The following PAX2 variants were observed in gnomAD, a reference collection of about 807,000 sequenced individuals.
PAX2 encodes paired box protein Pax-2.
In PAX2, 9 loss-of-function variants were observed where a neutral mutation model predicts 41.7. The observed-to-expected ratio is 0.22, with a 90% CI of 0.13 to 0.38. The LOEUF (loss-of-function observed/expected upper bound fraction) is 0.38. Ranked by LOEUF, PAX2 falls within the 10% of genes least tolerant of loss-of-function variation. The pLI is 1.00. For synonymous variants in PAX2, 221 were observed against 212.7 expected (o/e 1.04, Z -0.34); for missense variants, 418 against 531.6 (o/e 0.79, Z 2.10).
intron 3 of PAX2, among the ~76,000 whole-genome samples, chr10:100,758,031 CTTTCTTTTG>C (rs1446051831): frequency 2.0e-5 from 3 of 152,094 alleles, no homozygotes; most frequent in Non-Finnish European, 4.4e-5. Context: ...AAATGAGGCC[CTTTCTTTTG>C]TTTTCTGAGA....
chr10:100,827,722 G>A lies in PAX2; in HGVS notation c.*103G>A. The stretch of plus-strand genomic sequence containing the variant: ...GGAGGGAGGACCGACGCGACGCGAT[G>A]CCTCCCGGCCACCGCCCCAGCCTCA... On this transcript the variant is annotated 3_prime_UTR_variant, in exon 10 of 10. Coordinates refer to ENST00000355243, the MANE Select transcript of PAX2 (RefSeq NM_000278.5). The surrounding 1 kb of genome is among the most constrained non-coding windows in gnomAD (Gnocchi z 8.5). 1 of 1,600,328 alleles carries A rather than the reference G, an allele frequency of 6.2e-7. No individual in the cohort carries two copies. The highest frequency in any genetic ancestry group is 8.5e-7 in the Non-Finnish European group (1 of 1,170,312).
At chr10:100,821,086 C>A (rs1288534462) in intron 7 of PAX2, among the ~76,000 whole-genome samples, 1 of 152,204 alleles carries the variant, frequency 6.6e-6, no homozygotes. Flanking sequence ...ATTCCATTAC[C>A]CATTCATATT....
Position 100,824,859 on chromosome 10 carries a change from C to A in PAX2, c.1021+110C>A, listed in dbSNP as rs770053965. 1.9e-6 allele frequency: 3 copies of A among 1,558,926 alleles called. No homozygotes were observed. The South Asian group carries it at 3.3e-5, about 17-fold the overall frequency. ...TGGGGTGGGGGGAGACACAACGTCC[C>A]CTCCCTGCAAACCACTGCTATTCTG... On this transcript the variant is annotated intron_variant, in intron 8 of 9. Coordinates refer to ENST00000355243, the MANE Select transcript of PAX2 (RefSeq NM_000278.5). This position sits in a 1 kb window ranked among gnomAD's most constrained non-coding sequence, Gnocchi z 6.6.
At chr10:100,803,144 G>T (rs1341567425) in intron 5 of PAX2, among the ~76,000 whole-genome samples, 1 of 151,810 alleles carries the variant, frequency 6.6e-6, no homozygotes, top group African/African-American at 2.4e-5. Flanking sequence ...CCCTCATCCA[G>T]GCCCTGGGCA....
Position 100,819,519 on chromosome 10 carries a change from G to A in PAX2, c.920-5129G>A, listed in dbSNP as rs553595003. ...CAGGAAGCAGAGGTTGCAGTGAGCC[G>A]AGATCGTGCCACTGCTCTCCAGCCT... On this transcript the variant is annotated intron_variant, in intron 7 of 9. Coordinates refer to ENST00000355243, the MANE Select transcript of PAX2 (RefSeq NM_000278.5). Among the ~76,000 whole-genome samples the A allele has an allele frequency of 6.6e-5, 10 of 152,256 alleles. No individual in the cohort carries two copies. In the South Asian group the frequency reaches 1.9e-3, roughly 28 times the overall value.
At position 100,787,035 on chromosome 10, in the gene PAX2, G is replaced by C. The variant is rs376723534; in HGVS notation, c.616+5670G>C. On this transcript the variant is annotated intron_variant, in intron 5 of 9. Coordinates refer to ENST00000355243, the MANE Select transcript of PAX2 (RefSeq NM_000278.5). ...AGGTATGAGGGCCAGAGGGAACATG[G>C]CGTGGGGGTCAAGGGAAATAGCTTG... The C allele has an allele frequency of 6.0e-6, 8 of 1,326,764 alleles. No homozygotes were observed. The African/African-American group carries it at 1.2e-4, about 20-fold the overall frequency. 82.2% of individuals were successfully genotyped at this position (1,326,764 alleles called of 1,614,324 possible).
At chr10:100,751,126 C>G (rs1310883951) in intron 3 of PAX2, among the ~76,000 whole-genome samples, 1 of 152,204 alleles carries the variant, frequency 6.6e-6, no homozygotes, top group Non-Finnish European at 1.5e-5. Context: ...CCGCCGGCGT[C>G]CTGGAAATGA....
chr10:100,750,425 T>G lies in PAX2; in HGVS notation c.213-269T>G, dbSNP rs1416886408. On this transcript the variant is annotated intron_variant, in intron 2 of 9. Transcript: ENST00000355243. The surrounding 1 kb of genome is among the most constrained non-coding windows in gnomAD (Gnocchi z 4.1). ...TCTTCCCAAGTGAAAGGCTGGGCTTTCACTCCCACGGGTGCCTATTTGGGC... is the reference window on the plus strand; with the variant it reads ...TCTTCCCAAGTGAAAGGCTGGGCTTGCACTCCCACGGGTGCCTATTTGGGC... Among the ~76,000 whole-genome samples the G allele has an allele frequency of 6.6e-6, 1 of 152,152 alleles. No homozygotes were observed. Among genetic ancestry groups the G allele is most frequent in the East Asian group, 1.9e-4 (1 of 5,182 alleles).
At chr10:100,783,883 G>T (rs914218044) in intron 5 of PAX2, among the ~76,000 whole-genome samples, 2 of 152,080 alleles carry the variant, frequency 1.3e-5, no homozygotes, top group African/African-American at 4.8e-5. Context: ...CATATCAGAG[G>T]CCTCACTCTT....
upstream of PAX2, among the ~76,000 whole-genome samples, chr10:100,741,413 A>C (rs1294215363): frequency 2.2e-3 from 17 of 7,856 alleles, no homozygotes; most frequent in East Asian, 0.062. Flanking sequence ...CTCTTCCAAA[A>C]AAAAAAAAAA....
chr10:100,784,009 C>T (rs1042683250), intron 5 of PAX2, among the ~76,000 whole-genome samples: 1 of 152,068 alleles, frequency 6.6e-6, no homozygotes, highest in Non-Finnish European at 1.5e-5. Flanking sequence ...TTCTCCCTGA[C>T]CTCCCCCTCC....
intron 1 of PAX2, among the ~76,000 whole-genome samples, chr10:100,737,985 C>G (rs1844831964): frequency 6.6e-6 from 1 of 152,262 alleles, no homozygotes; most frequent in South Asian, 2.1e-4. Flanking sequence ...CAATTGTGGT[C>G]TTCAGCTATC....
At chr10:100,817,082 C>T (rs748974299) in intron 7 of PAX2, among the ~76,000 whole-genome samples, 12 of 152,194 alleles carry the variant, frequency 7.9e-5, no homozygotes, top group Non-Finnish European at 1.8e-4. Flanking sequence ...GCATGAGGGT[C>T]TCTCATGCTC....
chr10:100,799,977 G>A (rs1354448325), intron 5 of PAX2, among the ~76,000 whole-genome samples: 1 of 151,676 alleles, frequency 6.6e-6, no homozygotes, highest in Admixed American at 6.6e-5. Flanking sequence ...AGTAGAGATG[G>A]GGTTTTACCA....
At position 100,829,252 on chromosome 10, in the gene PAX2, T is replaced by C; in HGVS notation, c.*1633T>C. 4.3e-6 allele frequency: 1 copy of C among 230,414 alleles called. No homozygotes were observed. The highest frequency in any genetic ancestry group is 8.6e-6 in the Non-Finnish European group (1 of 116,238). The allele number at this position is 230,414 out of a possible 1,614,324, so 14.3% of individuals were successfully genotyped here. ...CCCTCTGCCCCTCTCTCCTCTCCGC[T>C]TCTCTCCCCCTCTGTCTCTGTCTCT... On this transcript the variant is annotated 3_prime_UTR_variant, in exon 10 of 10. Transcript: ENST00000355243.
chr10:100,745,612 A>G lies in PAX2; in HGVS notation c.-649A>G. 2 of 291,336 alleles carry G rather than the reference A, an allele frequency of 6.9e-6. No individual in the cohort carries two copies. Among genetic ancestry groups the G allele is most frequent in the Non-Finnish European group, 5.3e-6 (1 of 189,250 alleles). 18.0% of individuals were successfully genotyped at this position (291,336 alleles called of 1,614,324 possible). ...CCGGCCGAGTCTTCTCGCAGCCGCA[A>G]CCCACCTGGGGCCAGCCCAGAGCTG... On this transcript the variant is annotated 5_prime_UTR_variant, in exon 1 of 10. Coordinates refer to ENST00000355243, the MANE Select transcript of PAX2 (RefSeq NM_000278.5).
intron 3 of PAX2, among the ~76,000 whole-genome samples, chr10:100,756,158 G>A (rs985052705): frequency 1.3e-5 from 2 of 152,128 alleles, no homozygotes; most frequent in Non-Finnish European, 2.9e-5. Context: ...TAACTGGTGT[G>A]GAAGATTAAT....
upstream of PAX2, among the ~76,000 whole-genome samples, chr10:100,744,132 G>A (rs1845059590): frequency 6.6e-6 from 1 of 152,230 alleles, no homozygotes; most frequent in African/African-American, 2.4e-5. Flanking sequence ...AGTCAGGCAG[G>A]TGCATCTCTC....
intron 5 of PAX2, among the ~76,000 whole-genome samples, chr10:100,799,777 GTTAGTGTAATTCTTTTTTTTTT>G (rs1847475418): frequency 6.9e-6 from 1 of 145,866 alleles, no homozygotes; most frequent in East Asian, 2.1e-4. Context: ...GAAAACTGAA[GTTAGTGTAATTCTTTTTTTTTT>G]TTTTTTTTTT....
Sources: gnomAD v4.1 joint callset for allele counts (sites outside exome capture counted in the v4.1 genomes callset) on GRCh38, gnomAD v4.1.1 for gene constraint, Gnocchi (gnomAD v3.1) non-coding constraint, MANE v1.5 for transcripts, NCBI Gene and HGNC (gene_info 2026-07-23, HGNC 2026-07-21) for gene names.